Variants in FAM222B observed in about 807,000 individuals in gnomAD.
FAM222B encodes protein FAM222B.
FAM222B carries 12 observed loss-of-function variants against 38.0 expected under a neutral mutation model. The ratio of observed to expected loss-of-function variants is 0.32; its 90% CI spans 0.20 to 0.51. The LOEUF (loss-of-function observed/expected upper bound fraction) is 0.51. Ranked by LOEUF, FAM222B falls within the 20% of genes least tolerant of loss-of-function variation. FAM222B has a pLI of 0.97. For synonymous variants in FAM222B, 329 were observed against 317.2 expected, an observed-to-expected ratio of 1.04 and a Z score of -0.40; for missense variants, 716 against 754.2, an observed-to-expected ratio of 0.95 and a Z score of 0.59.
At position 28,759,518 on chromosome 17, in the gene FAM222B, G is replaced by C; in HGVS notation, c.441C>G (p.Pro147=). 2 of 1,586,096 alleles carry C rather than the reference G, an allele frequency of 1.3e-6. No homozygotes were observed. Among genetic ancestry groups the C allele is most frequent in the Non-Finnish European group, 1.7e-6 (2 of 1,164,964 alleles). Residue 147 remains proline, a synonymous_variant, in exon 3 of 3, where the codon CCC becomes CCG. Transcript: ENST00000581407. The surrounding 1 kb of genome is among the most constrained non-coding windows in gnomAD (Gnocchi z 4.8). ...GCTGGCGGGCCAGAGCCTGGGCCTGGGGGTGGGCTAAAGTGCTGGGTGCCA... is the reference window on the plus strand; with the variant it reads ...GCTGGCGGGCCAGAGCCTGGGCCTGCGGGTGGGCTAAAGTGCTGGGTGCCA... ...ATVAPSTLAH[P]QAQALARQQA...
At chr17:28,764,090 G>A (rs372608960) in intron 2 of FAM222B, among the ~76,000 whole-genome samples, 5 of 151,986 alleles carry the variant, frequency 3.3e-5, no homozygotes, top group Admixed American at 3.3e-4. Flanking sequence ...CCTGAGAAGG[G>A]GAAATACAGA....
intron 1 of FAM222B, among the ~76,000 whole-genome samples, chr17:28,789,409 G>A (rs906647291): frequency 2.6e-5 from 4 of 151,956 alleles, no homozygotes; most frequent in South Asian, 4.2e-4. Context: ...ATCTTAGCCA[G>A]GCTGGTCTTG....
intron 1 of FAM222B, among the ~76,000 whole-genome samples, chr17:28,854,317 T>C (rs982982917): frequency 9.9e-5 from 15 of 152,266 alleles, no homozygotes; most frequent in African/African-American, 3.6e-4. Context: ...GCAAGGTAAA[T>C]GAGTTTCTCC....
intron 1 of FAM222B, among the ~76,000 whole-genome samples, chr17:28,807,937 TTGAA>T (rs1486127185): frequency 1.3e-5 from 2 of 152,226 alleles, no homozygotes; most frequent in African/African-American, 4.8e-5. Context: ...TAACTTTGTT[TTGAA>T]TGGTTTTGAC....
intron 1 of FAM222B, among the ~76,000 whole-genome samples, chr17:28,827,909 A>G (rs1276691091): frequency 1.3e-5 from 2 of 152,058 alleles, no homozygotes; most frequent in African/African-American, 4.8e-5. Context: ...GCCTTGAGAC[A>G]TGCAGATTAG....
intron 1 of FAM222B, among the ~76,000 whole-genome samples, chr17:28,801,201 C>A (rs181494234): frequency 4.5e-4 from 68 of 150,172 alleles, no homozygotes; most frequent in African/African-American, 1.5e-3. Flanking sequence ...CGCCTGTAAT[C>A]CCAGCACTTT....
chr17:28,854,899 T>C, intron 1 of FAM222B: 3 of 932,014 alleles, frequency 3.2e-6, no homozygotes, highest in Non-Finnish European at 4.7e-6. Flanking sequence ...GAGCAATTCC[T>C]CCTCCCGCCC....
At chr17:28,847,500 AG>A (rs1567914528), upstream of FAM222B, among the ~76,000 whole-genome samples, 1 of 151,584 alleles carries the variant, frequency 6.6e-6, no homozygotes, top group East Asian at 1.9e-4. Context: ...AGGCTAAGGC[AG>A]GACTATTGCT....
At chr17:28,790,943 G>A (rs984612551) in intron 1 of FAM222B, among the ~76,000 whole-genome samples, 4 of 104,718 alleles carry the variant, frequency 3.8e-5, no homozygotes, top group African/African-American at 1.5e-4. Flanking sequence ...CTGTTGCCCA[G>A]GCTGGAGTGC....
At chr17:28,800,126 C>T (rs1292238249) in intron 1 of FAM222B, among the ~76,000 whole-genome samples, 1 of 151,884 alleles carries the variant, frequency 6.6e-6, no homozygotes, top group Non-Finnish European at 1.5e-5. Flanking sequence ...CCGCCTCCCG[C>T]GTTCAAGCGA....
In FAM222B at chr17:28,758,379, C is replaced by T. The variant is rs201607912; in HGVS notation, c.1580G>A (p.Arg527Gln). The T allele has an allele frequency of 6.3e-5, 101 of 1,613,790 alleles. 1 individual carries two copies. Among genetic ancestry groups the T allele is most frequent in the Admixed American group, 1.2e-4 (7 of 60,010 alleles). ...LSGDFQQACF[R>Q]EQSLAMLSKA... ...GCTCAGCATGGCCAGGCTCTGTTCT[C>T]GGAAGCAGGCCTGTTGGAAATCCCC... The change falls in exon 3 of 3, where the codon CGA becomes CAA. Residue 527 changes from arginine to glutamine, a missense_variant. Transcript: ENST00000581407.
chr17:28,785,216 T>G (rs1215840182), intron 1 of FAM222B, among the ~76,000 whole-genome samples: 1 of 152,204 alleles, frequency 6.6e-6, no homozygotes, highest in African/African-American at 2.4e-5. Flanking sequence ...TTCCTAGACA[T>G]GTGATCATTC....
At chr17:28,815,143 A>T (rs2037967596) in intron 1 of FAM222B, among the ~76,000 whole-genome samples, 1 of 152,068 alleles carries the variant, frequency 6.6e-6, no homozygotes, top group Non-Finnish European at 1.5e-5. Context: ...TGTTACACCA[A>T]TCCGTCAACA....
intron 1 of FAM222B, among the ~76,000 whole-genome samples, chr17:28,836,715 GATAAC>G (rs2038856990): frequency 6.6e-6 from 1 of 152,148 alleles, no homozygotes; most frequent in Non-Finnish European, 1.5e-5. Flanking sequence ...GTAATCTATA[GATAAC>G]ATAACCTATT....
intron 1 of FAM222B, among the ~76,000 whole-genome samples, chr17:28,786,040 G>T (rs1474062050): frequency 6.6e-6 from 1 of 151,668 alleles, no homozygotes; most frequent in East Asian, 1.9e-4. Context: ...CACCTTGTTG[G>T]CCAGGATGGT....
At chr17:28,803,740 G>T (rs8069249) in intron 1 of FAM222B, among the ~76,000 whole-genome samples, 9,103 of 152,106 alleles carry the variant, frequency 0.06, 807 homozygotes, top group African/African-American at 0.19. Context: ...AGCACTTTGG[G>T]AGGCCGAGAC....
At position 28,758,931 on chromosome 17, in the gene FAM222B, A is replaced by G; in HGVS notation, c.1028T>C (p.Val343Ala). 2 of 1,609,824 alleles carry G rather than the reference A, an allele frequency of 1.2e-6. No homozygotes were observed. The highest frequency in any genetic ancestry group is 2.2e-5 in the South Asian group (2 of 90,158). The change falls in exon 3 of 3, where the codon GTC becomes GCC. Residue 343 changes from valine to alanine, a missense_variant. Val to Ala is a moderately conservative substitution (Grantham distance 64). Coordinates refer to ENST00000581407, the MANE Select transcript of FAM222B (RefSeq NM_001077498.3). ...GCGAGAGATGCCTGTGGGCAGGTTGACAGGACCTGCAGCAGGCAACGCGGC... is the reference window on the plus strand; with the variant it reads ...GCGAGAGATGCCTGTGGGCAGGTTGGCAGGACCTGCAGCAGGCAACGCGGC... ...ATAALPAAGP[V>A]NLPTGISRVP...
chr17:28,847,611 T>C (rs1374540108), upstream of FAM222B, among the ~76,000 whole-genome samples: 1 of 149,182 alleles, frequency 6.7e-6, no homozygotes, highest in Non-Finnish European at 1.5e-5. Context: ...AATAAATAAA[T>C]TAATTAAATA....
chr17:28,764,164 C>G (rs557443649), intron 2 of FAM222B, among the ~76,000 whole-genome samples: 4 of 150,428 alleles, frequency 2.7e-5, no homozygotes, highest in African/African-American at 9.8e-5. Flanking sequence ...CTGAGCTACT[C>G]GAGAGACTAA....
Sources: allele counts gnomAD v4.1 joint callset (sites outside exome capture counted in the v4.1 genomes callset), GRCh38; gene constraint gnomAD v4.1.1; non-coding constraint Gnocchi (gnomAD v3.1); transcripts MANE v1.5; gene names NCBI Gene and HGNC (gene_info 2026-07-23, HGNC 2026-07-21).